The following MECOM variants were observed in gnomAD, a reference collection of about 807,000 sequenced individuals.
The protein encoded by MECOM is histone-lysine N-methyltransferase MECOM.
Under a neutral mutation model 116.3 loss-of-function variants are expected in MECOM, and 13 were observed. The ratio of observed to expected loss-of-function variants is 0.11; its 90% CI spans 0.07 to 0.18. The LOEUF (loss-of-function observed/expected upper bound fraction) is 0.18, where lower values mean the gene tolerates loss of function less well. Among genes scored for constraint, MECOM ranks in the 10% least tolerant of loss-of-function variants. MECOM has a pLI of 1.00. For missense variants in MECOM, 1,299 were observed against 1,509.0 expected (o/e 0.86, Z 2.31); for synonymous variants, 528 against 535.2 (o/e 0.99, Z 0.19).
chr3:169,168,894 G>T (rs1271924707), intron 2 of MECOM, among the ~76,000 whole-genome samples: 1 of 151,560 alleles, frequency 6.6e-6, no homozygotes, highest in Non-Finnish European at 1.5e-5. Context: ...GGTTATTATA[G>T]ATAAAATTAT....
chr3:169,541,978 A>C (rs1296176467), intron 1 of MECOM, among the ~76,000 whole-genome samples: 11 of 152,226 alleles, frequency 7.2e-5, no homozygotes. Flanking sequence ...TCTTTATAAA[A>C]GGTGTAGTAT....
chr3:169,188,156 C>A (rs1198896729), intron 2 of MECOM, among the ~76,000 whole-genome samples: 1 of 152,032 alleles, frequency 6.6e-6, no homozygotes, highest in Non-Finnish European at 1.5e-5. Flanking sequence ...AATTCTCTCT[C>A]AATACCTGAC....
chr3:169,326,621 TA>T, intron 2 of MECOM, among the ~76,000 whole-genome samples: 1 of 152,216 alleles, frequency 6.6e-6, no homozygotes, highest in Non-Finnish European at 1.5e-5. Context: ...AATTATTTAT[TA>T]AAATCAGGCT....
chr3:169,623,089 A>G (rs932714373), intron 1 of MECOM, among the ~76,000 whole-genome samples: 4 of 152,202 alleles, frequency 2.6e-5, no homozygotes, highest in African/African-American at 9.7e-5. Flanking sequence ...CACAATTCAG[A>G]TTAGATGTGA....
chr3:169,621,326 G>A (rs1770693193), intron 1 of MECOM, among the ~76,000 whole-genome samples: 1 of 152,208 alleles, frequency 6.6e-6, no homozygotes, highest in Admixed American at 6.5e-5. Flanking sequence ...AGGACCAAGT[G>A]CACTGCTACA....
intron 1 of MECOM, among the ~76,000 whole-genome samples, chr3:169,526,577 TTAAGA>T (rs2109116173): frequency 6.6e-6 from 1 of 152,356 alleles, no homozygotes; most frequent in East Asian, 1.9e-4. Context: ...TTTGACCTTC[TTAAGA>T]TGAGTAAAGA....
At chr3:169,360,319 C>CAAAAAAAAAAAA in intron 2 of MECOM, among the ~76,000 whole-genome samples, 8 of 87,852 alleles carry the variant, frequency 9.1e-5, no homozygotes, top group South Asian at 4.2e-4. Flanking sequence ...AAAGTTACAC[C>CAAAAAAAAAAAA]AAAAAAAAAA....
At chr3:169,362,687 A>G (rs1728499952) in intron 2 of MECOM, among the ~76,000 whole-genome samples, 1 of 151,972 alleles carries the variant, frequency 6.6e-6, no homozygotes, top group South Asian at 2.1e-4. Flanking sequence ...GCAGGAACAA[A>G]GGCATGGACA....
intron 2 of MECOM, among the ~76,000 whole-genome samples, chr3:169,154,394 A>T (rs1265604362): frequency 6.7e-6 from 1 of 150,224 alleles, no homozygotes; most frequent in African/African-American, 2.5e-5. Flanking sequence ...ATAATGCATG[A>T]CATCAAGTAT....
At chr3:169,397,185 T>G (rs1577974721) in intron 1 of MECOM, among the ~76,000 whole-genome samples, 1 of 152,134 alleles carries the variant, frequency 6.6e-6, no homozygotes, top group African/African-American at 2.4e-5. Context: ...AATCTCTCAA[T>G]AAACACTTGT....
At chr3:169,500,196 T>C (rs1225401062) in intron 1 of MECOM, among the ~76,000 whole-genome samples, 1 of 152,102 alleles carries the variant, frequency 6.6e-6, no homozygotes, top group Admixed American at 6.5e-5. Context: ...TGTTAGATGA[T>C]ATATCTGAAA....
At chr3:169,546,862 C>A (rs1313396553) in intron 1 of MECOM, among the ~76,000 whole-genome samples, 1 of 152,146 alleles carries the variant, frequency 6.6e-6, no homozygotes. Flanking sequence ...AAGGGGGTTC[C>A]TAGAGCTATC....
At chr3:169,246,027 C>T (rs1245603631) in intron 2 of MECOM, among the ~76,000 whole-genome samples, 1 of 152,042 alleles carries the variant, frequency 6.6e-6, no homozygotes, top group Non-Finnish European at 1.5e-5. Flanking sequence ...TAGATATTGA[C>T]CCTGATTCTG....
chr3:169,582,300 A>T (rs1018582524), intron 1 of MECOM, among the ~76,000 whole-genome samples: 3 of 152,118 alleles, frequency 2.0e-5, no homozygotes, highest in Non-Finnish European at 2.9e-5. Context: ...AGGACTAAAT[A>T]AAAGAAAGGA....
chr3:169,191,736 GAAAGAGAAAGAA>G (rs1347924212), intron 2 of MECOM, among the ~76,000 whole-genome samples: 2 of 31,174 alleles, frequency 6.4e-5, no homozygotes, highest in Non-Finnish European at 9.7e-5. Context: ...AAGAAAGAAA[GAAAGAGAAAGAA>G]AGAAAGAAAG....
intron 2 of MECOM, among the ~76,000 whole-genome samples, chr3:169,246,358 AC>A (rs1755579469): frequency 6.6e-6 from 1 of 152,182 alleles, no homozygotes; most frequent in Non-Finnish European, 1.5e-5. Flanking sequence ...AGCAGATGAC[AC>A]CTGCCTGATG....
intron 2 of MECOM, among the ~76,000 whole-genome samples, chr3:169,172,403 T>TTGTGTGTG (rs1287087223): frequency 8.9e-6 from 1 of 112,824 alleles, no homozygotes; most frequent in Non-Finnish European, 1.8e-5. Context: ...GCAGGTACCC[T>TTGTGTGTG]TGTATGTGTG....
At chr3:169,230,247 G>GA (rs5854319) in intron 2 of MECOM, among the ~76,000 whole-genome samples, 70,239 of 148,580 alleles carry the variant, frequency 0.47, 16,460 homozygotes, top group Middle Eastern at 0.65. Context: ...GTGCCAAAAA[G>GA]AAAAAAAAAA....
intron 1 of MECOM, among the ~76,000 whole-genome samples, chr3:169,586,255 T>C (rs1252491123): frequency 1.3e-5 from 2 of 152,216 alleles, no homozygotes; most frequent in East Asian, 3.8e-4. Context: ...TACTATTTAG[T>C]TTAAATTTTT....
Sources: allele counts gnomAD v4.1 joint callset (sites outside exome capture counted in the v4.1 genomes callset), GRCh38; gene constraint gnomAD v4.1.1; transcripts MANE v1.5; gene names NCBI Gene and HGNC (gene_info 2026-07-23, HGNC 2026-07-21).